Variants in CUL3 observed in about 807,000 individuals in gnomAD.
CUL3 encodes cullin-3.
CUL3 carries 19 observed loss-of-function variants against 89.1 expected under a neutral mutation model. The observed-to-expected ratio is 0.21, with a 90% CI of 0.15 to 0.31. The LOEUF (loss-of-function observed/expected upper bound fraction) is 0.31, where lower values mean the gene tolerates loss of function less well. Ranked by LOEUF, CUL3 falls within the 10% of genes least tolerant of loss-of-function variation. The pLI is 1.00. For missense variants in CUL3, 469 were observed against 942.3 expected (o/e 0.50, Z 6.58); for synonymous variants, 351 against 308.4 (o/e 1.14, Z -1.45).
chr2:224,540,378 C>T lies in CUL3; in HGVS notation c.265-4737G>A, dbSNP rs16866040. On this transcript the variant is annotated intron_variant, in intron 2 of 15. Transcript: ENST00000264414. Reference sequence around the variant, plus strand: ...CTGAATTTTGGTGTTATTCTGAAAACGGCTCTAAAAACCAAACTTTATATT... The same window carrying T: ...CTGAATTTTGGTGTTATTCTGAAAATGGCTCTAAAAACCAAACTTTATATT... Among the ~76,000 whole-genome samples the T allele has an allele frequency of 5.5e-3, 825 of 149,656 alleles. 4 individuals carry two copies. Among genetic ancestry groups the T allele is most frequent in the African/African-American group, 0.019 (778 of 40,510 alleles).
chr2:224,524,906 C>G (rs1055521486), intron 3 of CUL3, among the ~76,000 whole-genome samples: 1 of 150,038 alleles, frequency 6.7e-6, no homozygotes, highest in African/African-American at 2.5e-5. Context: ...AGTAACAAAA[C>G]AAAAAACTAA....
chr2:224,576,936 A>G (rs1173758263), intron 1 of CUL3, among the ~76,000 whole-genome samples: 1 of 152,204 alleles, frequency 6.6e-6, no homozygotes, highest in African/African-American at 2.4e-5. Flanking sequence ...TCCCAGTGGT[A>G]CTAAACCCAT....
rs1021849975 is a variant in CUL3, at chr2:224,500,388, T to G, written c.1585A>C (p.Arg529=). 6.2e-7 allele frequency: 1 copy of G among 1,614,154 alleles called. No homozygotes were observed. Among genetic ancestry groups the G allele is most frequent in the Non-Finnish European group, 8.5e-7 (1 of 1,180,002 alleles). ...CTTCTGAATATCTCAAAAGCATGTC[T>G]TGGTGCTGGTGGGATGTTGCACTTT... ...TPKCNIPPAP[R]HAFEIFRRFY... Residue 529 remains arginine (R), a synonymous_variant, in exon 11 of 16, where the codon AGA becomes CGA. Transcript: ENST00000264414.
intron 1 of CUL3, chr2:224,563,292 T>A (rs1008769277): frequency 7.6e-5 from 36 of 470,954 alleles, no homozygotes; most frequent in Non-Finnish European, 1.2e-4. Context: ...CCCTGAGAAC[T>A]CTGTCCTTGG....
At chr2:224,532,332 AAGG>A (rs746319502) in intron 3 of CUL3, among the ~76,000 whole-genome samples, 8 of 152,122 alleles carry the variant, frequency 5.3e-5, no homozygotes, top group Non-Finnish European at 8.8e-5. Flanking sequence ...GTAGTCATTG[AAGG>A]AGGAGGAGAG....
At chr2:224,562,165 CATT>C (rs1412261551) in intron 1 of CUL3, among the ~76,000 whole-genome samples, 2 of 152,148 alleles carry the variant, frequency 1.3e-5, no homozygotes, top group African/African-American at 4.8e-5. Context: ...AGTACTCTCA[CATT>C]ATTATAACAT....
chr2:224,476,730 T>G (rs1009358458), intron 15 of CUL3, among the ~76,000 whole-genome samples: 1 of 152,228 alleles, frequency 6.6e-6, no homozygotes, highest in African/African-American at 2.4e-5. Flanking sequence ...CACCTTTCCT[T>G]TTCTAGAATG....
At chr2:224,556,535 G>GA (rs1694711997) in intron 2 of CUL3, 1 of 152,128 alleles carries the variant, frequency 6.6e-6, no homozygotes, top group Non-Finnish European at 1.5e-5. Flanking sequence ...TCAATGTGCT[G>GA]AAAGACAAAG....
intron 5 of CUL3, 104 bp from the exon 6 acceptor site, chr2:224,511,686 T>A: frequency 1.6e-6 from 1 of 606,820 alleles, no homozygotes; most frequent in South Asian, 2.5e-5. Context: ...CTAAATAAAA[T>A]AAGTACTATT....
At position 224,506,048 on chromosome 2, in the gene CUL3, C is replaced by T. The variant is rs1283024483; in HGVS notation, c.1114G>A (p.Gly372Ser). ...AGGTTGAGAAAATACTCAAAGTCAC[C>T]CGCAATAGTTTGTTTAAAGAGACGG... ...NDRLFKQTIAGDFEYFLNLNS... is the reference protein window; with the variant it reads ...NDRLFKQTIASDFEYFLNLNS... Residue 372 changes from glycine to serine, a missense_variant, in exon 8 of 16, where the codon GGT becomes AGT. Physicochemically the swap from Gly to Ser is moderately conservative, Grantham distance 56 (BLOSUM62 0). Transcript: ENST00000264414. The T allele has an allele frequency of 6.2e-7, 1 of 1,612,502 alleles. No individual in the cohort carries two copies. The highest frequency in any genetic ancestry group is 8.5e-7 in the Non-Finnish European group (1 of 1,179,116).
At chr2:224,547,875 T>G (rs1694364701) in intron 2 of CUL3, among the ~76,000 whole-genome samples, 1 of 152,180 alleles carries the variant, frequency 6.6e-6, no homozygotes, top group Non-Finnish European at 1.5e-5. Context: ...CAGTTTACCT[T>G]AAAGTTACCA....
Position 224,516,600 on chromosome 2 carries a change from CCT to C in CUL3, c.379-1830_379-1829del, listed in dbSNP as rs551087903. ...AAAATGCTGGGATTACAGGCGCGAG[CCT>C]CTGAGCCCAGCCTCCCTCCTTGCTT... On this transcript the variant is annotated intron_variant, in intron 3 of 15. Coordinates refer to ENST00000264414, the MANE Select transcript of CUL3 (RefSeq NM_003590.5). Among the ~76,000 whole-genome samples, 237 of 151,858 alleles carry C rather than the reference CCT, an allele frequency of 1.6e-3. 1 individual carries two copies. The highest frequency in any genetic ancestry group is 0.014 in the Middle Eastern group (4 of 286).
intron 3 of CUL3, among the ~76,000 whole-genome samples, chr2:224,534,510 G>T (rs1343324248): frequency 1.3e-5 from 2 of 152,148 alleles, no homozygotes; most frequent in Non-Finnish European, 2.9e-5. Flanking sequence ...TTAAAAACTT[G>T]TAAGAGAATA....
chr2:224,514,817 T>C (rs759987997), intron 3 of CUL3, 45 bp from the exon 4 acceptor site: 21 of 1,350,388 alleles, frequency 1.6e-5, no homozygotes, highest in African/African-American at 1.2e-4. Context: ...CTTGTGAGCA[T>C]AATAATTATT....
At chr2:224,576,639 A>G (rs1244691867) in intron 1 of CUL3, among the ~76,000 whole-genome samples, 1 of 142,180 alleles carries the variant, frequency 7.0e-6, no homozygotes, top group Non-Finnish European at 1.5e-5. Context: ...GTCTGGCATA[A>G]GCTTTGGACA....
chr2:224,524,979 G>C (rs1382394683), intron 3 of CUL3, among the ~76,000 whole-genome samples: 1 of 150,708 alleles, frequency 6.6e-6, no homozygotes, highest in Non-Finnish European at 1.5e-5. Flanking sequence ...GCTAATGGGG[G>C]TGGGGGTAAT....
At chr2:224,551,090 T>C (rs1166364816) in intron 2 of CUL3, among the ~76,000 whole-genome samples, 2 of 151,450 alleles carry the variant, frequency 1.3e-5, no homozygotes, top group Admixed American at 6.6e-5. Flanking sequence ...TTTTAATCGC[T>C]CTGTTGCCCA....
chr2:224,507,843 T>C (rs1048369252), intron 6 of CUL3, among the ~76,000 whole-genome samples: 3 of 152,150 alleles, frequency 2.0e-5, no homozygotes, highest in Admixed American at 6.5e-5. Context: ...AACTTTACAA[T>C]GATAATTTTA....
chr2:224,505,751 A>C, intron 8 of CUL3: 1 of 287,730 alleles, frequency 3.5e-6, no homozygotes, highest in East Asian at 5.9e-5. Flanking sequence ...CTTGTTTTTG[A>C]AGCCAATTAC....
Sources: allele counts gnomAD v4.1 joint callset (sites outside exome capture counted in the v4.1 genomes callset), GRCh38; gene constraint gnomAD v4.1.1; transcripts MANE v1.5; gene names NCBI Gene and HGNC (gene_info 2026-07-23, HGNC 2026-07-21).